Variants in TGFB3 observed in about 807,000 individuals in gnomAD.
TGFB3 encodes the protein transforming growth factor beta-3 proprotein.
A neutral mutation model predicts 40.1 loss-of-function variants in TGFB3; 5 were observed. That is an observed-to-expected ratio of 0.12 (90% CI 0.07 to 0.26). The LOEUF is 0.26. TGFB3 is among the 10% of genes least tolerant of loss of function. The pLI is 1.00. For missense variants in TGFB3, 373 were observed against 530.1 expected (o/e 0.70, Z 2.91); for synonymous variants, 184 against 205.6 (o/e 0.89, Z 0.90).
intron 4 of TGFB3, among the ~76,000 whole-genome samples, chr14:75,963,841 C>G (rs1046459467): frequency 6.6e-6 from 1 of 152,064 alleles, no homozygotes; most frequent in Non-Finnish European, 1.5e-5. Flanking sequence ...TAAGTGGGTA[C>G]CTAACACATA....
intron 6 of TGFB3, among the ~76,000 whole-genome samples, chr14:75,959,784 A>G (rs1044212817): frequency 6.7e-4 from 102 of 151,896 alleles, no homozygotes; most frequent in African/African-American, 2.4e-3. Flanking sequence ...AAAGAAAAAA[A>G]AAAAAACTGT....
rs1566687787 is a variant in TGFB3, at chr14:75,981,819, C to T, written c.-926G>A. 1 of 152,328 alleles carries T rather than the reference C, an allele frequency of 6.6e-6. No homozygotes were observed. Among genetic ancestry groups the T allele is most frequent in the Non-Finnish European group, 1.5e-5 (1 of 68,124 alleles). The allele number at this position is 152,328 out of a possible 1,614,324, so 9.4% of individuals were successfully genotyped here. On this transcript the variant is annotated 5_prime_UTR_variant, in exon 1 of 7. Coordinates refer to ENST00000238682, the MANE Select transcript of TGFB3 (RefSeq NM_003239.5). This position sits in a 1 kb window ranked among gnomAD's most constrained non-coding sequence, Gnocchi z 4.7. ...AAATAGAAGCCAGTTCACGGCACGCCTGCTCCGGAAAGCTGTTATTCCTTC... is the reference window on the plus strand; with the variant it reads ...AAATAGAAGCCAGTTCACGGCACGCTTGCTCCGGAAAGCTGTTATTCCTTC...
rs567789168 is a variant in TGFB3 at position 75,979,698 on chromosome 14, C to G, written c.352+844G>C. On this transcript the variant is annotated intron_variant, in intron 1 of 6. Coordinates refer to ENST00000238682, the MANE Select transcript of TGFB3 (RefSeq NM_003239.5). This position sits in a 1 kb window ranked among gnomAD's most constrained non-coding sequence, Gnocchi z 4.8. ...GGGACGGCAGGCTCCCAGACATATC[C>G]CCCCCCCCCACCATGCACCCACTGC... Among the ~76,000 whole-genome samples the G allele has an allele frequency of 1.2e-3, 173 of 146,574 alleles. 7 individuals are homozygous for G. The South Asian group carries it at 0.035, about 30-fold the overall frequency.
chr14:75,970,608 A>AATG (rs2035278344), intron 3 of TGFB3: 1 of 146,594 alleles, frequency 6.8e-6, no homozygotes, highest in Admixed American at 6.8e-5. Flanking sequence ...TAATAATAAT[A>AATG]GTAATAATAA....
intron 1 of TGFB3, among the ~76,000 whole-genome samples, chr14:75,975,559 T>C (rs1177092445): frequency 6.6e-6 from 1 of 152,228 alleles, no homozygotes; most frequent in East Asian, 1.9e-4. Flanking sequence ...TATTACTTCA[T>C]GTGACCTTCT....
At position 75,979,486 on chromosome 14, in the gene TGFB3, C is replaced by A. The variant is rs1028644364; in HGVS notation, c.352+1056G>T. Among the ~76,000 whole-genome samples the A allele has an allele frequency of 2.6e-5, 4 of 152,214 alleles. No homozygotes were observed. The highest frequency in any genetic ancestry group is 9.6e-5 in the African/African-American group (4 of 41,456). On this transcript the variant is annotated intron_variant, in intron 1 of 6. Coordinates refer to ENST00000238682, the MANE Select transcript of TGFB3 (RefSeq NM_003239.5). The surrounding 1 kb of genome is among the most constrained non-coding windows in gnomAD (Gnocchi z 4.8). ...ACAGAGCTGCTCCCGGAGTCTACGG[C>A]CCACGAGTGGCTCACATTCCTCTTT...
rs1018415204 is a variant in TGFB3 at position 75,963,392 on chromosome 14, G to A, written c.850C>T (p.Pro284Ser). Residue 284 changes from proline to serine, a missense_variant, in exon 5 of 7, where the codon CCC (proline) becomes TCC (serine). Physicochemically the swap from Pro to Ser is moderately conservative, Grantham distance 74 (BLOSUM62 -1). Transcript: ENST00000238682. ...HNPHLILMMI[P>S]PHRLDNPGQG... ...CCCGGGTTGTCGAGCCGGTGTGGGG[G>A]AATCATCATGAGGATTAGATGAGGG... The A allele has an allele frequency of 5.6e-6, 9 of 1,614,060 alleles. No homozygotes were observed. The African/African-American group carries it at 8.0e-5, about 14-fold the overall frequency.
chr14:75,959,017 A>T lies in TGFB3; in HGVS notation c.*170T>A. 1.3e-6 allele frequency: 1 copy of T among 796,190 alleles called. No homozygotes were observed. 49.3% of individuals were successfully genotyped at this position (796,190 alleles called of 1,614,324 possible). ...CTTTACCACCGTGATTCTCAGAGCC[A>T]GCAAGAAAGAAATGTTCCAAAAGGA... is the stretch of plus-strand genomic sequence containing the variant. On this transcript the variant is annotated 3_prime_UTR_variant, in exon 7 of 7. Transcript: ENST00000238682.
At position 75,980,834 on chromosome 14, in the gene TGFB3, G is replaced by A; in HGVS notation, c.60C>T (p.Val20=). Residue 20 remains valine, a synonymous_variant, in exon 1 of 7, where the codon GTC becomes GTT. Coordinates refer to ENST00000238682, the MANE Select transcript of TGFB3 (RefSeq NM_003239.5). The surrounding 1 kb of genome is among the most constrained non-coding windows in gnomAD (Gnocchi z 4.3). ...VVLALLNFAT[V]SLSLSTCTTL... ...TGGTGCAAGTGGACAGAGAGAGGCTGACCGTGGCAAAGTTCAGCAGGGCCA... is the reference window on the plus strand; with the variant it reads ...TGGTGCAAGTGGACAGAGAGAGGCTAACCGTGGCAAAGTTCAGCAGGGCCA... The A allele has an allele frequency of 2.5e-6, 4 of 1,614,164 alleles. No homozygotes were observed. Among genetic ancestry groups the A allele is most frequent in the Non-Finnish European group, 3.4e-6 (4 of 1,180,028 alleles).
rs2035437340 is a variant in TGFB3 at position 75,981,771 on chromosome 14, A to G, written c.-878T>C. ...TGTCCCCTGCTTCTCTTTAAAAAAT[A>G]AAAAGGAGAAAAAAATAAAATAAAA... On this transcript the variant is annotated 5_prime_UTR_variant, in exon 1 of 7. Coordinates refer to ENST00000238682, the MANE Select transcript of TGFB3 (RefSeq NM_003239.5). The surrounding 1 kb of genome is among the most constrained non-coding windows in gnomAD (Gnocchi z 4.7). 6.6e-6 allele frequency: 1 copy of G among 152,262 alleles called. No homozygotes were observed. Among genetic ancestry groups the G allele is most frequent in the Non-Finnish European group, 1.5e-5 (1 of 68,070 alleles). The allele number at this position is 152,262 out of a possible 1,614,324, so 9.4% of individuals were successfully genotyped here. A position where few individuals can be genotyped will look rare whatever the true frequency, so the allele number is the denominator to read the frequency against.
chr14:75,959,968 A>T (rs1169456203), intron 6 of TGFB3, among the ~76,000 whole-genome samples: 1 of 100,678 alleles, frequency 9.9e-6, no homozygotes, highest in Non-Finnish European at 1.8e-5. Flanking sequence ...TTTGAGTCAG[A>T]GTCTCACTCT....
rs2140238082 is a variant in TGFB3 at position 75,963,337 on chromosome 14, A to G, written c.905T>C (p.Leu302Ser). The change falls in exon 5 of 7, where the codon TTG (leucine) becomes TCG (serine). Residue 302 changes from leucine (L) to serine (S), a missense_variant. By Grantham distance (145) the Leu-to-Ser change is moderately radical (BLOSUM62 -2). Transcript: ENST00000238682. ...GQGGQRKKRA[L>S]DTNYCFRNLE... Reference sequence around the variant, plus strand: ...TCACCGGAAGCAGTAATTGGTGTCCAAAGCCCGCTTCTTCCTCTGACCCCC... The same window carrying G: ...TCACCGGAAGCAGTAATTGGTGTCCGAAGCCCGCTTCTTCCTCTGACCCCC... 1 of 1,614,116 alleles carries G rather than the reference A, an allele frequency of 6.2e-7. No homozygotes were observed. The highest frequency in any genetic ancestry group is 1.1e-5 in the South Asian group (1 of 91,078).
At chr14:75,974,764 C>A (rs867333151) in intron 1 of TGFB3, among the ~76,000 whole-genome samples, 232 of 110,660 alleles carry the variant, frequency 2.1e-3, no homozygotes, top group Middle Eastern at 4.7e-3. Flanking sequence ...GACTCCATCT[C>A]AAAAAAAAAA....
intron 4 of TGFB3, among the ~76,000 whole-genome samples, chr14:75,964,863 G>A (rs1251642416): frequency 2.0e-5 from 3 of 152,124 alleles, no homozygotes; most frequent in African/African-American, 2.4e-5. Flanking sequence ...ACTGTCCAGC[G>A]CTGAGCCAAA....
rs3917163 is a variant in TGFB3, at chr14:75,976,738, A to G, written c.352+3804T>C. Among the ~76,000 whole-genome samples, 170 of 151,970 alleles carry G rather than the reference A, an allele frequency of 1.1e-3. 3 individuals carry two copies. The South Asian group carries it at 0.02, about 18-fold the overall frequency. ...TCCCTCTCCCTGTCTCACACACCCT[A>G]CTTTCTTCTTGACCCCAAGACCAAG... On this transcript the variant is annotated intron_variant, in intron 1 of 6. Transcript: ENST00000238682.
In TGFB3 at chr14:75,963,383, G is replaced by A. The variant is rs757774610; in HGVS notation, c.859C>T (p.Arg287Trp). Reference sequence around the variant, plus strand: ...CCCCCCTGGCCCGGGTTGTCGAGCCGGTGTGGGGGAATCATCATGAGGATT... The same window carrying A: ...CCCCCCTGGCCCGGGTTGTCGAGCCAGTGTGGGGGAATCATCATGAGGATT... ...HLILMMIPPH[R>W]LDNPGQGGQR... Residue 287 changes from arginine to tryptophan, a missense_variant, in exon 5 of 7, where the codon CGG becomes TGG. Coordinates refer to ENST00000238682, the MANE Select transcript of TGFB3 (RefSeq NM_003239.5). The A allele has an allele frequency of 4.3e-5, 69 of 1,614,054 alleles. No homozygotes were observed. Among genetic ancestry groups the A allele is most frequent in the Admixed American group, 1.8e-4 (11 of 60,010 alleles).
At chr14:75,973,037 C>T (rs1189400859) in intron 1 of TGFB3, among the ~76,000 whole-genome samples, 1 of 152,210 alleles carries the variant, frequency 6.6e-6, no homozygotes, top group Non-Finnish European at 1.5e-5. Context: ...CCCTCTGAGC[C>T]AGAGAAAGAG....
Position 75,961,017 on chromosome 14 carries a change from C to T in TGFB3, c.986G>A (p.Gly329Asp), listed in dbSNP as rs772698647. ...PLYIDFRQDL[G>D]WKWVHEPKGY... ...CTTAGGTTCATGGACCCACTTCCAG[C>T]CCAGATCCTGTCGGAAGTCAATGTA... Residue 329 changes from glycine (G) to aspartate (D), a missense_variant, in exon 6 of 7, where the codon GGC becomes GAC. Gly to Asp is a moderately conservative substitution (Grantham distance 94). Coordinates refer to ENST00000238682, the MANE Select transcript of TGFB3 (RefSeq NM_003239.5). 6.2e-7 allele frequency: 1 copy of T among 1,614,096 alleles called. No individual in the cohort carries two copies.
rs920554686 is a variant in TGFB3, at chr14:75,978,513, C to T, written c.352+2029G>A. The stretch of plus-strand genomic sequence containing the variant: ...GAGTCTGCCTGCTTCCGGTTTGTAC[C>T]TGTGAGCCTCATAGCATCGCACGTT... On this transcript the variant is annotated intron_variant, in intron 1 of 6. Transcript: ENST00000238682. This position sits in a 1 kb window ranked among gnomAD's most constrained non-coding sequence, Gnocchi z 5.0. 2.6e-5 allele frequency among the ~76,000 whole-genome samples: 4 copies of T among 152,238 alleles called. No homozygotes were observed. The highest frequency in any genetic ancestry group is 4.8e-5 in the African/African-American group (2 of 41,458).
Sources: allele counts gnomAD v4.1 joint callset (sites outside exome capture counted in the v4.1 genomes callset), GRCh38; gene constraint gnomAD v4.1.1; non-coding constraint Gnocchi (gnomAD v3.1); transcripts MANE v1.5; gene names NCBI Gene and HGNC (gene_info 2026-07-23, HGNC 2026-07-21).